Variants in ICE1 observed in about 807,000 individuals in gnomAD.
ICE1 encodes the protein interactor of little elongation complex ELL subunit 1, also known as little elongation complex subunit 1.
Under a neutral mutation model 192.7 loss-of-function variants are expected in ICE1, and 64 were observed. That is an observed-to-expected ratio of 0.33 (90% confidence interval 0.27 to 0.41). ICE1 has a LOEUF of 0.41. Ranked by LOEUF, ICE1 falls within the 10% of genes least tolerant of loss-of-function variation. The pLI, the probability that ICE1 is intolerant of heterozygous loss-of-function variation, is 1.00. For synonymous variants in ICE1, 1,010 were observed against 984.5 expected, an observed-to-expected ratio of 1.03 and a Z score of -0.49; for missense variants, 2,708 against 2,696.0, an observed-to-expected ratio of 1.00 and a Z score of -0.10.
chr5:5,436,433 G>A lies in ICE1; in HGVS notation c.100G>A (p.Val34Ile). 6.8e-7 allele frequency: 1 copy of A among 1,475,762 alleles called. No individual in the cohort carries two copies. The highest frequency in any genetic ancestry group is 1.4e-5 in the South Asian group (1 of 69,008). 91.4% of individuals were successfully genotyped at this position (1,475,762 alleles called of 1,614,324 possible). The change falls in exon 2 of 19, where the codon GTT becomes ATT. Residue 34 changes from valine to isoleucine, a missense_variant. This residue lies in a region of ICE1 where 2,366 missense variants were observed against 2,276.6 expected (regional missense o/e 1.04). Transcript: ENST00000296564. ...TTTCTTTCAGAATTTGAATGAATAT[G>A]TTGAAGCATTAATTACCTTGAAACA... Reference protein sequence around the residue: ...ASLQQNLNEYVEALITLKQKI... With the variant: ...ASLQQNLNEYIEALITLKQKI...
rs749044359 is a variant in ICE1 at position 5,460,695 on chromosome 5, CCA to C, written c.1367_1368del (p.His456LeufsTer5). On this transcript the variant is annotated frameshift_variant, in exon 13 of 19. Transcript: ENST00000296564. LOFTEE classifies it high-confidence loss of function. ...ACAGCAACACTGAGAGAATCTTCTG[CCA>C]CACACTCCTTAGTTGGTGAAAAACA... 6.2e-7 allele frequency: 1 copy of C among 1,613,922 alleles called. No homozygotes were observed.
In ICE1 at chr5:5,464,177, G is replaced by T. The variant is rs191510558; in HGVS notation, c.4843G>T (p.Asp1615Tyr). 2 of 1,613,680 alleles carry T rather than the reference G, an allele frequency of 1.2e-6. No homozygotes were observed. Among genetic ancestry groups the T allele is most frequent in the Admixed American group, 3.3e-5 (2 of 60,022 alleles). Residue 1615 changes from aspartate to tyrosine, a missense_variant, in exon 13 of 19, where the codon GAT becomes TAT. By Grantham distance (160) the Asp-to-Tyr change is radical. Around this residue, in one of 2 missense-constraint regions of ICE1, gnomAD observed 2,366 missense variants for 2,276.6 expected, o/e 1.04. Transcript: ENST00000296564. The surrounding 1 kb of genome is among the most constrained non-coding windows in gnomAD (Gnocchi z 4.0). ...LANADTSTPT[D>Y]CSPDTLSKIR... ...AAATGCTGATACATCCACTCCTACA[G>T]ATTGTTCTCCTGACACACTGAGTAA...
chr5:5,448,988 G>A (rs1377214268), intron 10 of ICE1, among the ~76,000 whole-genome samples: 1 of 151,566 alleles, frequency 6.6e-6, no homozygotes, highest in East Asian at 2.0e-4. Flanking sequence ...CCATTCAGTA[G>A]TCAGCGGTTG....
intron 1 of ICE1, among the ~76,000 whole-genome samples, chr5:5,434,037 G>A (rs1209935441): frequency 6.6e-6 from 1 of 151,990 alleles, no homozygotes; most frequent in Non-Finnish European, 1.5e-5. Context: ...AGGAATGTAA[G>A]GCTGCTTTAT....
At chr5:5,424,158 C>T (rs1737441021) in intron 1 of ICE1, among the ~76,000 whole-genome samples, 1 of 152,068 alleles carries the variant, frequency 6.6e-6, no homozygotes, top group Non-Finnish European at 1.5e-5. Context: ...ATAGTGCACA[C>T]GGAAGATGGT....
At chr5:5,480,495 A>G (rs1461069140) in intron 17 of ICE1, among the ~76,000 whole-genome samples, 2 of 151,912 alleles carry the variant, frequency 1.3e-5, no homozygotes, top group African/African-American at 4.8e-5. Context: ...TGATCCACCC[A>G]CCTCGGCCTC....
At position 5,461,438 on chromosome 5, in the gene ICE1, AG is replaced by A; in HGVS notation, c.2105del (p.Ser702ThrfsTer5). ...CSIGGNNLENSLCALSPELGA... is the reference protein window; with the variant it reads ...CSIGGNNLENXLCALSPELGA... ...TATAGGAGGAAACAACTTGGAGAAT[AG>A]CTTGTGTGCCTTGAGCCCTGAATTG... On this transcript the variant is annotated frameshift_variant, in exon 13 of 19. Coordinates refer to ENST00000296564, the MANE Select transcript of ICE1 (RefSeq NM_015325.3). LOFTEE classifies it high-confidence loss of function. The A allele has an allele frequency of 6.2e-7, 1 of 1,614,058 alleles. No individual in the cohort carries two copies.
chr5:5,469,068 T>C, intron 15 of ICE1, 80 bp downstream of exon 15: 1 of 980,978 alleles, frequency 1.0e-6, no homozygotes. Context: ...TGTATTTAGT[T>C]TTATATTAGT....
At chr5:5,482,176 G>A (rs932593307) in intron 17 of ICE1, among the ~76,000 whole-genome samples, 1 of 152,060 alleles carries the variant, frequency 6.6e-6, no homozygotes, top group African/African-American at 2.4e-5. Flanking sequence ...TTGTAATTTT[G>A]TTCAAATCAA....
chr5:5,449,223 A>G (rs1052235813), intron 10 of ICE1, among the ~76,000 whole-genome samples: 1 of 152,120 alleles, frequency 6.6e-6, no homozygotes, highest in African/African-American at 2.4e-5. Context: ...TGTCTGTTGT[A>G]TATTTTACTT....
At position 5,447,456 on chromosome 5, in the gene ICE1, A is replaced by G; in HGVS notation, c.454A>G (p.Lys152Glu). Residue 152 changes from lysine to glutamate, a missense_variant, in exon 8 of 19, where the codon AAG becomes GAG. Transcript: ENST00000296564. ...EAAVKQTQDF[K>E]QLRNEKKILE... ...TGCTGTCAAGCAAACTCAGGACTTCAAGCAACTGAGAAATGAAAAGAAAAT... is the reference window on the plus strand; with the variant it reads ...TGCTGTCAAGCAAACTCAGGACTTCGAGCAACTGAGAAATGAAAAGAAAAT... The G allele has an allele frequency of 6.4e-7, 1 of 1,552,954 alleles. No homozygotes were observed.
At chr5:5,446,578 A>T (rs1221260975) in intron 7 of ICE1, among the ~76,000 whole-genome samples, 2 of 152,328 alleles carry the variant, frequency 1.3e-5, no homozygotes, top group East Asian at 3.9e-4. Flanking sequence ...GAGCCACTGC[A>T]AGGAAACATC....
At chr5:5,484,431 G>A (rs1561102121) in intron 17 of ICE1, among the ~76,000 whole-genome samples, 2 of 152,144 alleles carry the variant, frequency 1.3e-5, no homozygotes, top group Admixed American at 1.3e-4. Flanking sequence ...GTTAATATCC[G>A]TGGTAGATTG....
At chr5:5,447,929 G>T in intron 10 of ICE1, 32 bp downstream of exon 10, 1 of 1,502,404 alleles carries the variant, frequency 6.7e-7, no homozygotes, top group Non-Finnish European at 9.1e-7. Context: ...TTTTAATGTT[G>T]TGTATTGCTC....
chr5:5,447,288 T>C, intron 7 of ICE1, 139 bp from the exon 8 acceptor site: 1 of 624,524 alleles, frequency 1.6e-6, no homozygotes, highest in African/African-American at 1.9e-5. Flanking sequence ...GAAGGAGCAA[T>C]GGCTTTTTAC....
At position 5,463,518 on chromosome 5, in the gene ICE1, A is replaced by G. The variant is rs1463611499; in HGVS notation, c.4184A>G (p.Gln1395Arg). 1.2e-6 allele frequency: 2 copies of G among 1,613,664 alleles called. No individual in the cohort carries two copies. The highest frequency in any genetic ancestry group is 1.3e-5 in the African/African-American group (1 of 75,072). ...SSNCEAETTF[Q>R]CQIATVTSEV... is the part of the protein sequence containing the mutation. ...AACTGCGAGGCCGAAACAACATTTC[A>G]GTGTCAGATAGCAACAGTGACCTCA... The change falls in exon 13 of 19, where the codon CAG (glutamine) becomes CGG (arginine). Residue 1395 changes from glutamine to arginine, a missense_variant. Gln to Arg is a conservative substitution (Grantham distance 43, BLOSUM62 1). Transcript: ENST00000296564.
rs749371776 is a variant in ICE1 at position 5,461,761 on chromosome 5, A to G, written c.2427A>G (p.Ser809=). ...GCGAAGAAAGTCTGAGAGCCAAATC[A>G]GAACATGAACAGAAGACTAGCCATC... ...KGGEESLRAK[S]EHEQKTSHQL... is the part of the protein sequence containing the mutation. Residue 809 remains serine, a synonymous_variant, in exon 13 of 19, where the codon TCA becomes TCG. Transcript: ENST00000296564. 1 of 1,613,876 alleles carries G rather than the reference A, an allele frequency of 6.2e-7. No homozygotes were observed. Among genetic ancestry groups the G allele is most frequent in the Non-Finnish European group, 8.5e-7 (1 of 1,179,808 alleles).
At position 5,465,076 on chromosome 5, in the gene ICE1, C is replaced by T. The variant is rs1255346337; in HGVS notation, c.5742C>T (p.Ala1914=). 1 of 1,613,880 alleles carries T rather than the reference C, an allele frequency of 6.2e-7. No individual in the cohort carries two copies. Residue 1914 remains alanine, a synonymous_variant, in exon 13 of 19, where the codon GCC becomes GCT. Coordinates refer to ENST00000296564, the MANE Select transcript of ICE1 (RefSeq NM_015325.3). The part of the protein sequence containing the change: ...PKETVESHDK[A]IANALKKIAE... ...AAACTGTGGAGTCCCATGATAAAGCCATAGCTAATGCCCTGAAGAAAATTG... is the reference window on the plus strand; with the variant it reads ...AAACTGTGGAGTCCCATGATAAAGCTATAGCTAATGCCCTGAAGAAAATTG...
intron 12 of ICE1, among the ~76,000 whole-genome samples, chr5:5,459,788 T>A (rs1322488811): frequency 6.6e-6 from 1 of 152,116 alleles, no homozygotes; most frequent in Non-Finnish European, 1.5e-5. Flanking sequence ...GGCCACATGC[T>A]CTAGGCAGTT....
Sources: allele counts gnomAD v4.1 joint callset (sites outside exome capture counted in the v4.1 genomes callset), GRCh38; gene constraint gnomAD v4.1.1; regional missense constraint gnomAD v4.1.1; non-coding constraint Gnocchi (gnomAD v3.1); transcripts MANE v1.5; gene names NCBI Gene and HGNC (gene_info 2026-07-23, HGNC 2026-07-21).